Variants in SGCD observed in about 807,000 individuals in gnomAD.
SGCD encodes sarcoglycan delta.
A neutral mutation model predicts 36.6 loss-of-function variants in SGCD; 18 were observed. The observed-to-expected ratio is 0.49, with a 90% CI of 0.34 to 0.73. SGCD has a LOEUF of 0.73. Ranked by LOEUF, SGCD falls within the 30% of genes least tolerant of loss-of-function variation. The pLI is 0.01. For synonymous variants in SGCD, 133 were observed against 130.6 expected (o/e 1.02, Z -0.12); for missense variants, 387 against 346.7 (o/e 1.12, Z -0.92).
chr5:156,093,229 G>T (rs1761288218), intron 1 of SGCD, among the ~76,000 whole-genome samples: 1 of 152,154 alleles, frequency 6.6e-6, no homozygotes, highest in African/African-American at 2.4e-5. Flanking sequence ...AGAGTCATGT[G>T]CTGGTTTCTC....
At chr5:156,471,676 A>C (rs896528266) in intron 3 of SGCD, among the ~76,000 whole-genome samples, 3 of 152,152 alleles carry the variant, frequency 2.0e-5, no homozygotes, top group African/African-American at 7.2e-5. Context: ...AAAATATAAA[A>C]GCTAAAACTA....
At chr5:155,861,827 G>C in the SGCD span, among the ~76,000 whole-genome samples, 1 of 152,220 alleles carries the variant, frequency 6.6e-6, no homozygotes, top group Non-Finnish European at 1.5e-5. Context: ...CTGAGAACTA[G>C]AAGATTTTAC....
At chr5:155,773,166 G>C in the SGCD span, among the ~76,000 whole-genome samples, 1 of 152,076 alleles carries the variant, frequency 6.6e-6, no homozygotes, top group Non-Finnish European at 1.5e-5. Context: ...CACCTCTCCT[G>C]CCTTTTAGAA....
At chr5:156,735,128 A>G (rs1403204924) in intron 7 of SGCD, among the ~76,000 whole-genome samples, 1 of 152,180 alleles carries the variant, frequency 6.6e-6, no homozygotes, top group Non-Finnish European at 1.5e-5. Context: ...ACCTGGAGGT[A>G]TCACCAGTGA....
intron 7 of SGCD, among the ~76,000 whole-genome samples, chr5:156,749,436 A>T (rs1487506028): frequency 6.6e-6 from 1 of 152,160 alleles, no homozygotes; most frequent in Non-Finnish European, 1.5e-5. Flanking sequence ...AACTAAACAT[A>T]AAAATAGATC....
chr5:156,594,909 C>T (rs1324993734), intron 5 of SGCD, 23 bp from the exon 6 acceptor site: 22 of 1,517,860 alleles, frequency 1.4e-5, no homozygotes, highest in East Asian at 2.3e-5. Flanking sequence ...CTCTCTATCT[C>T]TCTATCTCTC....
intron 6 of SGCD, among the ~76,000 whole-genome samples, chr5:156,608,898 T>C (rs1191471251): frequency 6.6e-6 from 1 of 152,062 alleles, no homozygotes; most frequent in Non-Finnish European, 1.5e-5. Flanking sequence ...ATTTGCTTGG[T>C]AGATCTTCCT....
intron 3 of SGCD, among the ~76,000 whole-genome samples, chr5:156,498,218 T>G (rs1756282809): frequency 7.4e-6 from 1 of 135,022 alleles, no homozygotes; most frequent in African/African-American, 2.7e-5. Flanking sequence ...GCATGTCTCT[T>G]GAATTGGATT....
At chr5:156,647,783 T>G (rs1763286843) in intron 7 of SGCD, among the ~76,000 whole-genome samples, 1 of 152,140 alleles carries the variant, frequency 6.6e-6, no homozygotes, top group Non-Finnish European at 1.5e-5. Context: ...TTTGGAATGT[T>G]TGTTATGTGC....
intron 2 of SGCD, among the ~76,000 whole-genome samples, chr5:156,121,791 C>A (rs574588508): frequency 6.6e-6 from 1 of 151,946 alleles, no homozygotes; most frequent in East Asian, 1.9e-4. Flanking sequence ...TTACTTCATA[C>A]TTTTTATAGT....
At chr5:156,070,148 C>G (rs530482893) in intron 1 of SGCD, among the ~76,000 whole-genome samples, 2 of 148,924 alleles carry the variant, frequency 1.3e-5, no homozygotes, top group Non-Finnish European at 2.9e-5. Flanking sequence ...ATTGCCCTGG[C>G]CAGAACTTCC....
At chr5:156,167,641 TTCTG>T (rs1481275630) in intron 3 of SGCD, among the ~76,000 whole-genome samples, 2 of 152,182 alleles carry the variant, frequency 1.3e-5, no homozygotes, top group Non-Finnish European at 2.9e-5. Context: ...TGGGATTTTT[TTCTG>T]TCTCTCTGTT....
chr5:156,387,654 T>C (rs1339643817), intron 3 of SGCD, among the ~76,000 whole-genome samples: 1 of 152,200 alleles, frequency 6.6e-6, no homozygotes, highest in African/African-American at 2.4e-5. Flanking sequence ...GCAGAATTAT[T>C]GTTTGGCAGA....
At chr5:155,841,010 C>CAAAAAAA in the SGCD span, among the ~76,000 whole-genome samples, 275 of 61,052 alleles carry the variant, frequency 4.5e-3, 24 homozygotes, top group African/African-American at 0.02. Context: ...GACTCCATCT[C>CAAAAAAA]AAAAAAAAAA....
intron 1 of SGCD, among the ~76,000 whole-genome samples, chr5:156,015,816 A>T (rs915128909): frequency 6.0e-5 from 9 of 151,088 alleles, no homozygotes; most frequent in Admixed American, 5.3e-4. Context: ...ACACACACAC[A>T]CAGTGCACTG....
intron 3 of SGCD, among the ~76,000 whole-genome samples, chr5:156,136,052 C>G (rs1159417009): frequency 6.6e-6 from 1 of 152,116 alleles, no homozygotes; most frequent in Non-Finnish European, 1.5e-5. Flanking sequence ...GTCTGTTTAT[C>G]TAGTTACTAC....
At chr5:156,722,775 G>T (rs1755573138) in intron 7 of SGCD, among the ~76,000 whole-genome samples, 1 of 152,098 alleles carries the variant, frequency 6.6e-6, no homozygotes, top group Admixed American at 6.6e-5. Flanking sequence ...CCACTTATGG[G>T]ATGTTTTGTA....
intron 3 of SGCD, among the ~76,000 whole-genome samples, chr5:156,460,229 G>A (rs965002601): frequency 1.3e-5 from 2 of 152,170 alleles, no homozygotes; most frequent in African/African-American, 2.4e-5. Context: ...AGCCAGAGAG[G>A]ACAGTGTTGC....
At chr5:155,755,010 C>T in the SGCD span, among the ~76,000 whole-genome samples, 19 of 152,192 alleles carry the variant, frequency 1.2e-4, no homozygotes, top group Admixed American at 2.0e-4. Flanking sequence ...CCTGCCCTCC[C>T]CAGGCTGCCA....
Sources: gnomAD v4.1 joint callset for allele counts (sites outside exome capture counted in the v4.1 genomes callset) on GRCh38, gnomAD v4.1.1 for gene constraint, MANE v1.5 for transcripts, NCBI Gene and HGNC (gene_info 2026-07-23, HGNC 2026-07-21) for gene names.